AGBL4: variants seen among roughly 807,000 people sequenced by gnomAD.
AGBL4 encodes cytosolic carboxypeptidase 6.
Under a neutral mutation model 66.4 loss-of-function variants are expected in AGBL4, and 58 were observed. The ratio of observed to expected loss-of-function variants is 0.87; its 90% CI spans 0.71 to 1.09. The LOEUF is 1.09. Among genes scored for constraint, AGBL4 ranks in the 50% least tolerant of loss-of-function variants. The pLI is 0.00. For synonymous variants in AGBL4, 234 were observed against 222.9 expected (o/e 1.05, Z -0.44); for missense variants, 579 against 631.0 (o/e 0.92, Z 0.88).
At chr1:48,725,219 T>C (rs1346044793) in intron 6 of AGBL4, among the ~76,000 whole-genome samples, 6 of 152,210 alleles carry the variant, frequency 3.9e-5, no homozygotes, top group African/African-American at 1.4e-4. Context: ...ATCCTTTATT[T>C]TAATGAAGGT....
intron 2 of AGBL4, among the ~76,000 whole-genome samples, chr1:49,699,880 T>C (rs1647054588): frequency 6.6e-6 from 1 of 151,876 alleles, no homozygotes; most frequent in South Asian, 2.1e-4. Flanking sequence ...GCTTAGAAAG[T>C]AGATTGTAGT....
At chr1:48,996,659 T>C (rs1431331142) in intron 5 of AGBL4, among the ~76,000 whole-genome samples, 1 of 152,024 alleles carries the variant, frequency 6.6e-6, no homozygotes, top group Non-Finnish European at 1.5e-5. Flanking sequence ...CAGAAGAATG[T>C]TGTGAATTAA....
intron 6 of AGBL4, among the ~76,000 whole-genome samples, chr1:48,675,598 A>G (rs927199477): frequency 3.3e-5 from 5 of 152,234 alleles, no homozygotes; most frequent in African/African-American, 7.2e-5. Flanking sequence ...TTAACAAGCA[A>G]TCAGCTACAC....
At chr1:49,393,323 AATTGAGTCACATTATTAAGAAATC>A (rs1644888565) in intron 3 of AGBL4, among the ~76,000 whole-genome samples, 1 of 152,238 alleles carries the variant, frequency 6.6e-6, no homozygotes, top group African/African-American at 2.4e-5. Flanking sequence ...CAGTTAGGCC[AATTGAGTCACATTATTAAGAAATC>A]AAGGTCTGGA....
rs754409709 is a variant in AGBL4 at position 48,590,908 on chromosome 1, A to G, written c.1029T>C (p.Phe343=). ...MMNGFMYGNI[F]EDEERFQRQA... ...GCCTCTGGAACCGTTCCTCATCCTCAAAGATGTTGCCATACATGAAGCCAT... is the reference window on the plus strand; with the variant it reads ...GCCTCTGGAACCGTTCCTCATCCTCGAAGATGTTGCCATACATGAAGCCAT... Residue 343 remains phenylalanine (F), a synonymous_variant, in exon 10 of 14, where the codon TTT becomes TTC. Coordinates refer to ENST00000371839, the MANE Select transcript of AGBL4 (RefSeq NM_032785.4). 8.1e-6 allele frequency: 13 copies of G among 1,609,872 alleles called. No individual in the cohort carries two copies. The highest frequency in any genetic ancestry group is 1.1e-5 in the Non-Finnish European group (13 of 1,178,390).
intron 6 of AGBL4, among the ~76,000 whole-genome samples, chr1:48,698,561 C>T (rs1646751130): frequency 6.6e-6 from 1 of 152,218 alleles, no homozygotes; most frequent in African/African-American, 2.4e-5. Context: ...TGTTTCTGTC[C>T]TTTAGTCCTG....
chr1:49,227,680 A>G (rs1650016046), intron 4 of AGBL4, among the ~76,000 whole-genome samples: 1 of 152,216 alleles, frequency 6.6e-6, no homozygotes. Flanking sequence ...CCCTCTTAGG[A>G]ATCAGTTGTA....
chr1:48,805,881 C>T (rs1053358787), intron 6 of AGBL4, among the ~76,000 whole-genome samples: 1 of 152,176 alleles, frequency 6.6e-6, no homozygotes, highest in Non-Finnish European at 1.5e-5. Context: ...GGCTGTTTAG[C>T]TTTGACATCC....
intron 1 of AGBL4, among the ~76,000 whole-genome samples, chr1:49,905,247 G>A (rs1432089806): frequency 6.6e-6 from 1 of 152,066 alleles, no homozygotes; most frequent in Non-Finnish European, 1.5e-5. Flanking sequence ...TGTATCCTGA[G>A]TAAGGTTGTT....
At chr1:49,649,534 G>A (rs779309001) in intron 3 of AGBL4, among the ~76,000 whole-genome samples, 9 of 152,048 alleles carry the variant, frequency 5.9e-5, no homozygotes, top group Non-Finnish European at 1.3e-4. Context: ...AAACTTCAAC[G>A]CCCCTTTATC....
chr1:49,186,678 A>G (rs771641779), intron 4 of AGBL4, among the ~76,000 whole-genome samples: 21 of 152,196 alleles, frequency 1.4e-4, no homozygotes, highest in Admixed American at 3.3e-4. Flanking sequence ...AAAATTTACA[A>G]TTGCTTTTTA....
At chr1:49,436,746 C>G (rs533327387) in intron 3 of AGBL4, among the ~76,000 whole-genome samples, 1 of 152,006 alleles carries the variant, frequency 6.6e-6, no homozygotes, top group African/African-American at 2.4e-5. Flanking sequence ...GTAGTTCCGA[C>G]GACAGCTTAT....
rs935719800 is a variant in AGBL4 at position 49,469,356 on chromosome 1, G to A, written c.283-223492C>T. ...TTGAGATTTCAACATTTGGGATTAT[G>A]GTGTTTAGGATTGTATCTTTCAGGA... On this transcript the variant is annotated intron_variant, in intron 3 of 13. Coordinates refer to ENST00000371839, the MANE Select transcript of AGBL4 (RefSeq NM_032785.4). 2.6e-5 allele frequency among the ~76,000 whole-genome samples: 4 copies of A among 151,716 alleles called. No homozygotes were observed. In the South Asian group the frequency reaches 8.3e-4, roughly 32 times the overall value.
At chr1:49,154,796 G>T (rs1217457604) in intron 4 of AGBL4, among the ~76,000 whole-genome samples, 1 of 152,128 alleles carries the variant, frequency 6.6e-6, no homozygotes, top group Non-Finnish European at 1.5e-5. Context: ...AAACCATGAG[G>T]ATTGAAATTA....
At chr1:49,658,898 TACC>T (rs1646211094) in intron 3 of AGBL4, among the ~76,000 whole-genome samples, 2 of 151,994 alleles carry the variant, frequency 1.3e-5, no homozygotes. Context: ...TTAGGAGATA[TACC>T]TAATGTAAAT....
At chr1:49,747,330 C>G (rs915261350) in intron 2 of AGBL4, among the ~76,000 whole-genome samples, 3 of 152,074 alleles carry the variant, frequency 2.0e-5, no homozygotes, top group Non-Finnish European at 2.9e-5. Context: ...ACAGCCCTAC[C>G]TCCACGAAAT....
intron 3 of AGBL4, among the ~76,000 whole-genome samples, chr1:49,380,318 C>T (rs1248150817): frequency 3.9e-5 from 6 of 152,068 alleles, no homozygotes; most frequent in Non-Finnish European, 7.4e-5. Flanking sequence ...TGGAGAACTA[C>T]AAACCACTGC....
chr1:49,476,518 C>A (rs1366789000), intron 3 of AGBL4, among the ~76,000 whole-genome samples: 1 of 151,976 alleles, frequency 6.6e-6, no homozygotes, highest in Non-Finnish European at 1.5e-5. Context: ...AAGTCCCCCA[C>A]TATTATTGGT....
intron 3 of AGBL4, among the ~76,000 whole-genome samples, chr1:49,252,314 C>T (rs1223708723): frequency 6.6e-6 from 1 of 151,858 alleles, no homozygotes; most frequent in Non-Finnish European, 1.5e-5. Flanking sequence ...TTCTCAGAGC[C>T]TGAAGACTGG....
Sources: gnomAD v4.1 joint callset for allele counts (sites outside exome capture counted in the v4.1 genomes callset) on GRCh38, gnomAD v4.1.1 for gene constraint, MANE v1.5 for transcripts, NCBI Gene and HGNC (gene_info 2026-07-23, HGNC 2026-07-21) for gene names.